The following SNTB1 variants were observed in gnomAD, a reference collection of about 807,000 sequenced individuals.
SNTB1 encodes the protein syntrophin beta 1, also known as beta-1-syntrophin.
In SNTB1, 36 loss-of-function variants were observed where a neutral mutation model predicts 48.9. That is an observed-to-expected ratio of 0.74 (90% CI 0.56 to 0.97). The LOEUF is 0.97. Ranked by LOEUF, SNTB1 falls within the 50% of genes least tolerant of loss-of-function variation. The pLI, the probability that SNTB1 is intolerant of heterozygous loss-of-function variation, is 0.00. For missense variants in SNTB1, 786 were observed against 703.4 expected (o/e 1.12, Z -1.33); for synonymous variants, 299 against 294.6 (o/e 1.01, Z -0.15).
Position 120,548,673 on chromosome 8 carries a change from A to G in SNTB1, c.1333+89T>C, listed in dbSNP as rs1020723678. On this transcript the variant is annotated intron_variant, in intron 5 of 6. Transcript: ENST00000517992. ...GGAATTTTAACTATCCCCAGAGGCC[A>G]GTGATGAAAACTACTTTAAGGCCCC... 14 of 1,145,566 alleles carry G rather than the reference A, an allele frequency of 1.2e-5. No homozygotes were observed. In the South Asian group the frequency reaches 1.9e-4, roughly 16 times the overall value. 71.0% of individuals were successfully genotyped at this position (1,145,566 alleles called of 1,614,324 possible).
At chr8:120,705,808 G>A (rs938644449) in intron 1 of SNTB1, among the ~76,000 whole-genome samples, 4 of 152,178 alleles carry the variant, frequency 2.6e-5, no homozygotes, top group African/African-American at 9.7e-5. Flanking sequence ...CATATTAGTA[G>A]TGTGACAATG....
chr8:120,715,399 TCA>T (rs1397982261), intron 1 of SNTB1, among the ~76,000 whole-genome samples: 2 of 152,166 alleles, frequency 1.3e-5, no homozygotes, highest in Non-Finnish European at 2.9e-5. Flanking sequence ...TTGGTTCTCA[TCA>T]AAAAGTGAGG....
intron 5 of SNTB1, among the ~76,000 whole-genome samples, chr8:120,544,169 T>A (rs1453344917): frequency 6.6e-6 from 1 of 152,214 alleles, no homozygotes; most frequent in Non-Finnish European, 1.5e-5. Context: ...TTTTCCCCAA[T>A]GTTTAAATAA....
At chr8:120,570,444 A>T (rs1815824076) in intron 4 of SNTB1, 1 of 152,180 alleles carries the variant, frequency 6.6e-6, no homozygotes, top group South Asian at 2.1e-4. Flanking sequence ...TACGCTAGTG[A>T]AAAGTCTTCC....
chr8:120,737,780 T>C (rs1201209178), intron 1 of SNTB1, among the ~76,000 whole-genome samples: 1 of 152,154 alleles, frequency 6.6e-6, no homozygotes, highest in Non-Finnish European at 1.5e-5. Flanking sequence ...ATCCACCCCT[T>C]TCAATTGTCA....
At chr8:120,674,286 G>A (rs1817800802) in intron 2 of SNTB1, among the ~76,000 whole-genome samples, 2 of 152,176 alleles carry the variant, frequency 1.3e-5, no homozygotes, top group Non-Finnish European at 2.9e-5. Context: ...CCACTCATCA[G>A]TTCATCCAGC....
chr8:120,682,446 T>C (rs568900358), intron 2 of SNTB1, among the ~76,000 whole-genome samples: 1 of 152,320 alleles, frequency 6.6e-6, no homozygotes, highest in Non-Finnish European at 1.5e-5. Flanking sequence ...TACAACCATT[T>C]AGTACTTGTT....
intron 4 of SNTB1, among the ~76,000 whole-genome samples, chr8:120,560,342 G>T (rs988022853): frequency 3.3e-5 from 5 of 152,160 alleles, no homozygotes; most frequent in Admixed American, 1.3e-4. Flanking sequence ...AATTAGTCAG[G>T]CTTGGTGGCG....
chr8:120,790,879 CG>C (rs1464595636), intron 1 of SNTB1, among the ~76,000 whole-genome samples: 4 of 151,250 alleles, frequency 2.6e-5, no homozygotes, highest in African/African-American at 9.7e-5. Flanking sequence ...TTAAAGAATT[CG>C]AAAAAAATCA....
chr8:120,596,776 G>A (rs891864692), intron 3 of SNTB1, among the ~76,000 whole-genome samples: 2 of 152,060 alleles, frequency 1.3e-5, no homozygotes, highest in East Asian at 3.9e-4. Context: ...GTCTTTCTCT[G>A]TGCTCTCTCT....
At chr8:120,599,384 A>G (rs138983854) in intron 3 of SNTB1, among the ~76,000 whole-genome samples, 126 of 152,360 alleles carry the variant, frequency 8.3e-4, no homozygotes, top group African/African-American at 2.8e-3. Context: ...TGACAAAATG[A>G]CCTTGTGTGC....
rs964383373 is a variant in SNTB1, at chr8:120,684,121, T to G, written c.788+9571A>C. ...TTAGAGCCTCACAGTGCCTATTATG[T>G]GTCCTTATGTAGCAGGAGGGGCACA... On this transcript the variant is annotated intron_variant, in intron 2 of 6. Coordinates refer to ENST00000517992, the MANE Select transcript of SNTB1 (RefSeq NM_021021.4). Among the ~76,000 whole-genome samples, 8 of 152,312 alleles carry G rather than the reference T, an allele frequency of 5.3e-5. No homozygotes were observed. The East Asian group carries it at 1.5e-3, about 29-fold the overall frequency.
At chr8:120,696,179 A>C (rs1818207579) in intron 1 of SNTB1, among the ~76,000 whole-genome samples, 1 of 152,218 alleles carries the variant, frequency 6.6e-6, no homozygotes, top group Non-Finnish European at 1.5e-5. Context: ...AGCTGAGATG[A>C]ATTGAAGATT....
chr8:120,622,120 G>C (rs1287496634), intron 3 of SNTB1, among the ~76,000 whole-genome samples: 2 of 152,054 alleles, frequency 1.3e-5, no homozygotes, highest in Non-Finnish European at 2.9e-5. Context: ...CAAGCTGCGG[G>C]GCCAAAACAC....
At chr8:120,797,546 CTTTTTTTTTTTTTT>C (rs60374035) in intron 1 of SNTB1, among the ~76,000 whole-genome samples, 1 of 69,088 alleles carries the variant, frequency 1.4e-5, no homozygotes, top group African/African-American at 5.6e-5. Context: ...ACTTGTTTCT[CTTTTTTTTTTTTTT>C]TTTTTTTTTT....
chr8:120,777,872 C>G (rs989394882), intron 1 of SNTB1, among the ~76,000 whole-genome samples: 5 of 152,194 alleles, frequency 3.3e-5, no homozygotes, highest in Non-Finnish European at 7.3e-5. Context: ...GAGTATCCCC[C>G]AAAGCACTGT....
intron 1 of SNTB1, among the ~76,000 whole-genome samples, chr8:120,745,323 G>A (rs1819109041): frequency 6.6e-6 from 1 of 151,962 alleles, no homozygotes; most frequent in Non-Finnish European, 1.5e-5. Flanking sequence ...ATCGTGGTTG[G>A]TTACATAACC....
chr8:120,588,614 T>C (rs538287476), intron 3 of SNTB1, among the ~76,000 whole-genome samples: 1 of 152,288 alleles, frequency 6.6e-6, no homozygotes, highest in South Asian at 2.1e-4. Context: ...ACTTCTAGTT[T>C]GCAACTCAGC....
chr8:120,545,257 T>G (rs963451524), intron 5 of SNTB1, among the ~76,000 whole-genome samples: 1 of 152,060 alleles, frequency 6.6e-6, no homozygotes, highest in African/African-American at 2.4e-5. Flanking sequence ...GGCAAGAGAA[T>G]CCCTTGAACC....
Sources: allele counts gnomAD v4.1 joint callset (sites outside exome capture counted in the v4.1 genomes callset), GRCh38; gene constraint gnomAD v4.1.1; transcripts MANE v1.5; gene names NCBI Gene and HGNC (gene_info 2026-07-23, HGNC 2026-07-21).